Variants in IRF8 observed in about 807,000 individuals in gnomAD.
The protein encoded by IRF8 is interferon consensus sequence binding protein 1.
A neutral mutation model predicts 48.7 loss-of-function variants in IRF8; 14 were observed. The observed-to-expected ratio is 0.29, with a 90% CI of 0.19 to 0.45. The LOEUF (loss-of-function observed/expected upper bound fraction) is 0.45. Ranked by LOEUF, IRF8 falls within the 20% of genes least tolerant of loss-of-function variation. The probability of loss-of-function intolerance (pLI) is 1.00; values close to 1 mark genes in which losing one functional copy is unlikely to be tolerated. For synonymous variants in IRF8, 278 were observed against 227.3 expected (o/e 1.22, Z -2.01); for missense variants, 493 against 580.7 (o/e 0.85, Z 1.55).
At chr16:85,919,040 C>T (rs1905437389) in intron 7 of IRF8, among the ~76,000 whole-genome samples, 1 of 152,168 alleles carries the variant, frequency 6.6e-6, no homozygotes, top group Non-Finnish European at 1.5e-5. Flanking sequence ...GGTGCAGAAT[C>T]AGTACCCTCA....
In IRF8 at chr16:85,918,659, A is replaced by G. The variant is rs768927767; in HGVS notation, c.844A>G (p.Ser282Gly). 3.7e-6 allele frequency: 6 copies of G among 1,610,474 alleles called. No individual in the cohort carries two copies. The South Asian group carries it at 6.6e-5, about 18-fold the overall frequency. ...CCTGGAGCGCGGGGTGCTGCTGCAC[A>G]GCAGCCGGCAGGGCGTGTTCGTCAA... is the stretch of plus-strand genomic sequence containing the variant. ...GHLERGVLLH[S>G]SRQGVFVKRL... The change falls in exon 7 of 9, where the codon AGC becomes GGC. Residue 282 changes from serine to glycine, a missense_variant. This residue lies in a region of IRF8 where 408 missense variants were observed against 449.6 expected (regional missense o/e 0.91). Transcript: ENST00000268638.
chr16:85,918,190 T>G (rs8064189), intron 6 of IRF8, among the ~76,000 whole-genome samples: 52,205 of 152,062 alleles, frequency 0.34, 9,933 homozygotes, highest in East Asian at 0.54. Context: ...AGAACACTGT[T>G]GTAGTTAATA....
At chr16:85,916,168 A>G (rs1332338993) in intron 6 of IRF8, among the ~76,000 whole-genome samples, 1 of 152,178 alleles carries the variant, frequency 6.6e-6, no homozygotes, top group Admixed American at 6.5e-5. Context: ...CACAAATACA[A>G]GCTCCGATAA....
At chr16:85,914,616 G>A in intron 6 of IRF8, 96 bp downstream of exon 6, 1 of 1,392,976 alleles carries the variant, frequency 7.2e-7, no homozygotes, top group Non-Finnish European at 1.0e-6. Context: ...GGATGAGCAG[G>A]ACCTGGTGTG....
intron 1 of IRF8, among the ~76,000 whole-genome samples, chr16:85,899,524 A>C (rs1904755616): frequency 6.6e-6 from 1 of 152,224 alleles, no homozygotes; most frequent in African/African-American, 2.4e-5. Flanking sequence ...GAGCTCATAT[A>C]ATGAACGGCA....
rs144166582 is a variant in IRF8, at chr16:85,913,330, A to T, written c.553+94A>T. ...GGACGGAGTGGGGGTGGTTGTTGCT[A>T]TCATGATCCATGTCTCATTAAAGGT... On this transcript the variant is annotated intron_variant, in intron 5 of 8. Transcript: ENST00000268638. The T allele has an allele frequency of 2.6e-3, 2,270 of 872,102 alleles. 8 individuals carry two copies. The highest frequency in any genetic ancestry group is 8.7e-3 in the African/African-American group (534 of 61,038). The allele number at this position is 872,102 out of a possible 1,614,324, so 54.0% of individuals were successfully genotyped here. A position where few individuals can be genotyped will look rare whatever the true frequency, so the allele number is the denominator to read the frequency against.
At chr16:85,905,334 C>T (rs1904964027) in intron 2 of IRF8, among the ~76,000 whole-genome samples, 1 of 152,188 alleles carries the variant, frequency 6.6e-6, no homozygotes, top group Non-Finnish European at 1.5e-5. Context: ...CTCCCTTCAC[C>T]CCATTCCCTA....
At chr16:85,902,165 G>T (rs1904844830) in intron 1 of IRF8, among the ~76,000 whole-genome samples, 1 of 152,076 alleles carries the variant, frequency 6.6e-6, no homozygotes, top group African/African-American at 2.4e-5. Context: ...AGTGAACTTT[G>T]CCCTGTTCGG....
chr16:85,899,480 T>C (rs1904753023), intron 1 of IRF8, among the ~76,000 whole-genome samples: 1 of 152,242 alleles, frequency 6.6e-6, no homozygotes, highest in Admixed American at 6.5e-5. Flanking sequence ...ATCTCATTTT[T>C]CTTTAAATCT....
At chr16:85,909,641 G>A (rs1724338375) in intron 3 of IRF8, 1 of 185,326 alleles carries the variant, frequency 5.4e-6, no homozygotes, top group Admixed American at 5.5e-5. Flanking sequence ...GATCCTGATT[G>A]TTATTTGGGA....
rs1329197809 is a variant in IRF8, at chr16:85,921,380, G to A, written c.*98G>A. 1 of 1,294,376 alleles carries A rather than the reference G, an allele frequency of 7.7e-7. No homozygotes were observed. The allele number at this position is 1,294,376 out of a possible 1,614,324, so 80.2% of individuals were successfully genotyped here. ...TTAAAGAATGTGGATCCCTCTGTCT[G>A]GGGTGGGATGCCTTACTTTGCACTT... is the stretch of plus-strand genomic sequence containing the variant. On this transcript the variant is annotated 3_prime_UTR_variant, in exon 9 of 9. Coordinates refer to ENST00000268638, the MANE Select transcript of IRF8 (RefSeq NM_002163.4).
intron 1 of IRF8, among the ~76,000 whole-genome samples, chr16:85,901,591 CT>C (rs1291775369): frequency 6.6e-6 from 1 of 152,160 alleles, no homozygotes; most frequent in Admixed American, 6.5e-5. Flanking sequence ...GCACTCCTGC[CT>C]GGGTGACAGA....
chr16:85,903,400 G>A (rs772577710), intron 2 of IRF8: 13 of 581,258 alleles, frequency 2.2e-5, no homozygotes, highest in Admixed American at 5.9e-5. Flanking sequence ...TTTTGTGGTC[G>A]CTTGTATTCT....
At chr16:85,911,546 T>C (rs1022176939) in intron 3 of IRF8, 24 bp from the exon 4 acceptor site, 2 of 1,600,418 alleles carry the variant, frequency 1.2e-6, no homozygotes, top group Non-Finnish European at 1.7e-6. Flanking sequence ...CCATGTGTCA[T>C]GGTGTTTGTC....
At chr16:85,916,030 T>C (rs1332671878) in intron 6 of IRF8, among the ~76,000 whole-genome samples, 1 of 152,030 alleles carries the variant, frequency 6.6e-6, no homozygotes, top group Non-Finnish European at 1.5e-5. Flanking sequence ...TCCCAAGCCC[T>C]GGGCACAGCA....
intron 7 of IRF8, 50 bp downstream of exon 7, chr16:85,918,853 C>G (rs1399584052): frequency 6.3e-7 from 1 of 1,597,744 alleles, no homozygotes; most frequent in Non-Finnish European, 8.5e-7. Flanking sequence ...GATCACGCCT[C>G]CTATCTGTGT....
chr16:85,921,183 C>G lies in IRF8; in HGVS notation c.1182C>G (p.Pro394=). ...SCGAGSVMQA[P]EEPPPDQVFR... is the part of the protein sequence containing the mutation. ...GAGCCGGCTCTGTGATGCAGGCCCC[C>G]GAGGAGCCGCCGCCAGACCAGGTCT... The change falls in exon 9 of 9, where the codon CCC becomes CCG. Residue 394 remains proline (P), a synonymous_variant. Coordinates refer to ENST00000268638, the MANE Select transcript of IRF8 (RefSeq NM_002163.4). 1 of 1,614,184 alleles carries G rather than the reference C, an allele frequency of 6.2e-7. No individual in the cohort carries two copies. Among genetic ancestry groups the G allele is most frequent in the East Asian group, 2.2e-5 (1 of 44,890 alleles).
intron 7 of IRF8, 52 bp from the exon 8 acceptor site, chr16:85,920,057 T>C: frequency 7.6e-7 from 1 of 1,314,534 alleles, no homozygotes. Context: ...CTGCGGGAGT[T>C]GGAGGTCATC....
chr16:85,912,896 A>G (rs1905187700), intron 4 of IRF8, among the ~76,000 whole-genome samples: 1 of 152,244 alleles, frequency 6.6e-6, no homozygotes, highest in South Asian at 2.1e-4. Flanking sequence ...CAAGAAACTT[A>G]TTAGTGGCCC....
Sources: gnomAD v4.1 joint callset for allele counts (sites outside exome capture counted in the v4.1 genomes callset) on GRCh38, gnomAD v4.1.1 for gene constraint, gnomAD v4.1.1 regional missense constraint, MANE v1.5 for transcripts, NCBI Gene and HGNC (gene_info 2026-07-23, HGNC 2026-07-21) for gene names.